TLR5: variants seen among roughly 807,000 people sequenced by gnomAD.
TLR5 encodes the protein toll-like receptor 5.
For synonymous variants in TLR5, 373 were observed against 384.4 expected (o/e 0.97, Z 0.35); for missense variants, 944 against 999.8 (o/e 0.94, Z 0.75).
intron 1 of TLR5, 41 bp from the exon 2 acceptor site, chr1:223,141,804 TATATATATATATATATATAGAGAGAG>T (rs1475599326): frequency 1.1e-5 from 1 of 88,140 alleles, no homozygotes; most frequent in Non-Finnish European, 2.2e-5. Context: ...TATATATATA[TATATATATATATATATATAGAGAGAG>T]AGAGAGAGAG....
intron 5 of TLR5, among the ~76,000 whole-genome samples, chr1:223,117,113 G>A (rs1451271375): frequency 6.6e-6 from 1 of 152,170 alleles, no homozygotes; most frequent in Non-Finnish European, 1.5e-5. Context: ...CAGGCAGGCG[G>A]CTGAGGCCCG....
chr1:223,113,576 A>T (rs1051697373), intron 5 of TLR5, among the ~76,000 whole-genome samples: 5 of 152,166 alleles, frequency 3.3e-5, no homozygotes, highest in Non-Finnish European at 5.9e-5. Flanking sequence ...GTACTTAAAA[A>T]ACATTTCACT....
Position 223,124,645 on chromosome 1 carries a change from A to G in TLR5, c.-5+7830T>C, listed in dbSNP as rs576266384. 2.4e-3 allele frequency among the ~76,000 whole-genome samples: 369 copies of G among 152,162 alleles called. 3 individuals are homozygous for G. Among genetic ancestry groups the G allele is most frequent in the African/African-American group, 8.4e-3 (348 of 41,510 alleles). On this transcript the variant is annotated intron_variant, in intron 5 of 5. Coordinates refer to ENST00000642603, the MANE Select transcript of TLR5 (RefSeq NM_003268.6). ...TTTTATTTTTTGAGATGAAGTCTCA[A>G]TCTGTCACCCAGGCTGGAATGCAAT...
intron 2 of TLR5, among the ~76,000 whole-genome samples, chr1:223,137,777 C>T (rs565597301): frequency 4.6e-5 from 7 of 152,004 alleles, no homozygotes; most frequent in Non-Finnish European, 1.0e-4. Flanking sequence ...GGAGGCAGAT[C>T]TCTCTTACCA....
At position 223,111,381 on chromosome 1, in the gene TLR5, C is replaced by G. The variant is rs201909983; in HGVS notation, c.1651G>C (p.Glu551Gln). The change falls in exon 6 of 6, where the codon GAG becomes CAG. Residue 551 changes from glutamate to glutamine, a missense_variant. Transcript: ENST00000642603. ...LSHNDLPANL[E>Q]ILDISRNQLL... ...TGGTTCCTGGATATGTCCAGGATCT[C>G]TAAATTAGCAGGTAAATCATTGTGA... 370 of 1,614,140 alleles carry G rather than the reference C, an allele frequency of 2.3e-4. 1 individual carries two copies. The highest frequency in any genetic ancestry group is 2.8e-4 in the Non-Finnish European group (331 of 1,180,036).
chr1:223,131,652 C>A lies in TLR5; in HGVS notation c.-5+823G>T, dbSNP rs753939839. ...AATCAGGGCTTACTGCAGCCACAAT[C>A]TCCTGGGCTCAAGTGATGCTCCCAT... On this transcript the variant is annotated intron_variant, in intron 5 of 5. Transcript: ENST00000642603. The surrounding 1 kb of genome is among the most constrained non-coding windows in gnomAD (Gnocchi z 4.2). 1.1e-4 allele frequency among the ~76,000 whole-genome samples: 16 copies of A among 152,240 alleles called. No homozygotes were observed. Among genetic ancestry groups the A allele is most frequent in the Non-Finnish European group, 1.5e-4 (10 of 68,054 alleles).
chr1:223,142,938 A>T (rs1275038539), intron 1 of TLR5, among the ~76,000 whole-genome samples: 1 of 152,008 alleles, frequency 6.6e-6, no homozygotes, highest in Non-Finnish European at 1.5e-5. Context: ...TTCGTCTCCA[A>T]CCTGCCGGGC....
At chr1:223,133,904 C>G (rs1657498823) in intron 4 of TLR5, among the ~76,000 whole-genome samples, 2 of 152,206 alleles carry the variant, frequency 1.3e-5, no homozygotes, top group Admixed American at 6.5e-5. Flanking sequence ...GCCGGAGAGT[C>G]GAGCGGGGCG....
At chr1:223,125,646 G>C (rs923364769) in intron 5 of TLR5, among the ~76,000 whole-genome samples, 2 of 151,836 alleles carry the variant, frequency 1.3e-5, no homozygotes, top group Admixed American at 6.6e-5. Context: ...TGGTGTTGGT[G>C]GGGGGGTGGT....
chr1:223,134,346 T>C (rs1388570887), intron 4 of TLR5: 3 of 152,190 alleles, frequency 2.0e-5, no homozygotes. Context: ...AGGAAATTTC[T>C]CAAGGCACTG....
chr1:223,139,781 A>G (rs1010594355), intron 2 of TLR5, among the ~76,000 whole-genome samples: 4 of 152,226 alleles, frequency 2.6e-5, no homozygotes, highest in Non-Finnish European at 4.4e-5. Context: ...CATTACACTC[A>G]GACTCCTCAA....
rs1657377623 is a variant in TLR5, at chr1:223,131,044, C to T, written c.-5+1431G>A. 6.6e-6 allele frequency among the ~76,000 whole-genome samples: 1 copy of T among 152,180 alleles called. No homozygotes were observed. Among genetic ancestry groups the T allele is most frequent in the Admixed American group, 6.5e-5 (1 of 15,286 alleles). On this transcript the variant is annotated intron_variant, in intron 5 of 5. Transcript: ENST00000642603. The surrounding 1 kb of genome is among the most constrained non-coding windows in gnomAD (Gnocchi z 4.2). ...CTGCTTGGCTGCAAGGCTCCACTGC[C>T]TCCCCTCTAGATATGGGAGACACCA... is the stretch of plus-strand genomic sequence containing the variant.
At chr1:223,140,183 T>G (rs1251590338) in intron 2 of TLR5, among the ~76,000 whole-genome samples, 1 of 152,008 alleles carries the variant, frequency 6.6e-6, no homozygotes, top group Non-Finnish European at 1.5e-5. Flanking sequence ...TCTTAAAAAA[T>G]GTAGGGGATT....
rs527311155 is a variant in TLR5, at chr1:223,142,773, C to T, written c.-555+423G>A. Among the ~76,000 whole-genome samples, 3 of 152,302 alleles carry T rather than the reference C, an allele frequency of 2.0e-5. No homozygotes were observed. In the South Asian group the frequency reaches 6.2e-4, roughly 32 times the overall value. ...ATTTCCATGGCCCTGCTGGAGATGG[C>T]CCTCTGTCTCCCTTTTCCAAGGAAG... On this transcript the variant is annotated intron_variant, in intron 1 of 5. Transcript: ENST00000642603.
At position 223,111,100 on chromosome 1, in the gene TLR5, A is replaced by T. The variant is rs1656304210; in HGVS notation, c.1932T>A (p.Ile644=). Residue 644 remains isoleucine, a synonymous_variant, in exon 6 of 6, where the codon ATT becomes ATA. Coordinates refer to ENST00000642603, the MANE Select transcript of TLR5 (RefSeq NM_003268.6). ...ACAGAGTCAGAGTGACAGTGCATACAATGAAAAGGGAGAACTTTAGGGACT... is the reference window on the plus strand; with the variant it reads ...ACAGAGTCAGAGTGACAGTGCATACTATGAAAAGGGAGAACTTTAGGGACT... ...VLKSLKFSLF[I]VCTVTLTLFL... is the part of the protein sequence containing the mutation. 6.2e-7 allele frequency: 1 copy of T among 1,614,216 alleles called. No homozygotes were observed.
At chr1:223,114,329 A>G (rs1656519504) in intron 5 of TLR5, among the ~76,000 whole-genome samples, 1 of 152,172 alleles carries the variant, frequency 6.6e-6, no homozygotes, top group African/African-American at 2.4e-5. Flanking sequence ...CTTGGTGTCT[A>G]TTATTTGCAC....
intron 5 of TLR5, among the ~76,000 whole-genome samples, chr1:223,115,132 T>G (rs1473239161): frequency 6.6e-6 from 1 of 152,254 alleles, no homozygotes; most frequent in Non-Finnish European, 1.5e-5. Context: ...AATAAAATCC[T>G]GTGAGTACTT....
rs759055505 is a variant in TLR5, at chr1:223,110,420, T to G, written c.*35A>C. The G allele has an allele frequency of 6.2e-7, 1 of 1,610,672 alleles. No individual in the cohort carries two copies. Among genetic ancestry groups the G allele is most frequent in the Non-Finnish European group, 8.5e-7 (1 of 1,177,860 alleles). On this transcript the variant is annotated 3_prime_UTR_variant, in exon 6 of 6. Transcript: ENST00000642603. ...TGCAAATACAAAGTGAAGAGTTATTTGTGGCTTGAGATAAGTTGGAAATTG... is the reference window on the plus strand; with the variant it reads ...TGCAAATACAAAGTGAAGAGTTATTGGTGGCTTGAGATAAGTTGGAAATTG...
rs142473253 is a variant in TLR5 at position 223,132,860 on chromosome 1, C to T, written c.-169-221G>A. 2.4e-3 allele frequency among the ~76,000 whole-genome samples: 372 copies of T among 152,296 alleles called. 3 individuals are homozygous for T. Among genetic ancestry groups the T allele is most frequent in the African/African-American group, 8.4e-3 (349 of 41,560 alleles). On this transcript the variant is annotated intron_variant, in intron 4 of 5. Coordinates refer to ENST00000642603, the MANE Select transcript of TLR5 (RefSeq NM_003268.6). ...GACCTTGAGAAATCTCTGGCCCAGC[C>T]TCTTGTTCAGAAGGTGGGTGTCTAA...
Sources: allele counts gnomAD v4.1 joint callset (sites outside exome capture counted in the v4.1 genomes callset), GRCh38; gene constraint gnomAD v4.1.1; non-coding constraint Gnocchi (gnomAD v3.1); transcripts MANE v1.5; gene names NCBI Gene and HGNC (gene_info 2026-07-23, HGNC 2026-07-21).